The following CAMK2D variants were observed in gnomAD, a reference collection of about 807,000 sequenced individuals.
CAMK2D encodes calcium/calmodulin dependent protein kinase II delta.
Under a neutral mutation model 84.0 loss-of-function variants are expected in CAMK2D, and 37 were observed. The ratio of observed to expected loss-of-function variants is 0.44; its 90% confidence interval spans 0.34 to 0.58. The LOEUF (loss-of-function observed/expected upper bound fraction) is 0.58, where lower values mean the gene tolerates loss of function less well. Ranked by LOEUF, CAMK2D falls within the 20% of genes least tolerant of loss-of-function variation. The pLI is 0.02. For synonymous variants in CAMK2D, 202 were observed against 212.5 expected, an observed-to-expected ratio of 0.95 and a Z score of 0.43; for missense variants, 448 against 652.5, an observed-to-expected ratio of 0.69 and a Z score of 3.41.
intron 3 of CAMK2D, among the ~76,000 whole-genome samples, chr4:113,652,346 A>C (rs1176364356): frequency 1.3e-5 from 2 of 152,218 alleles, no homozygotes. Flanking sequence ...TTTTATCATT[A>C]GTTCTAGTGG....
chr4:113,644,997 GT>G, intron 3 of CAMK2D, among the ~76,000 whole-genome samples: 1 of 152,066 alleles, frequency 6.6e-6, no homozygotes, highest in East Asian at 1.9e-4. Context: ...AGAATTTTTT[GT>G]TGTTGTTGTT....
intron 16 of CAMK2D, among the ~76,000 whole-genome samples, chr4:113,488,955 G>T (rs1284401005): frequency 6.6e-6 from 1 of 152,000 alleles, no homozygotes; most frequent in Non-Finnish European, 1.5e-5. Context: ...AACTTGGCAG[G>T]ACTCAAGCAA....
chr4:113,726,367 G>A (rs150133498), intron 2 of CAMK2D, among the ~76,000 whole-genome samples: 329 of 132,676 alleles, frequency 2.5e-3, no homozygotes, highest in African/African-American at 6.8e-3. Context: ...TGCTTGTTTT[G>A]CTTGGGCTTT....
In CAMK2D at chr4:113,547,740, T is replaced by C. The variant is rs140795566; in HGVS notation, c.342-24A>G. The stretch of plus-strand genomic sequence containing the variant: ...GACTGCATGCAAACACCAGGGGGCG[T>C]GTGTTAGTTCCAAGCTTACACTCAC... On this transcript the variant is annotated intron_variant, in intron 5 of 20. Transcript: ENST00000511664. 5,294 of 1,498,796 alleles carry C rather than the reference T, an allele frequency of 3.5e-3. 18 individuals are homozygous for C. Among genetic ancestry groups the C allele is most frequent in the Non-Finnish European group, 4.5e-3 (4,964 of 1,113,104 alleles). 92.8% of individuals were successfully genotyped at this position (1,498,796 alleles called of 1,614,324 possible).
At chr4:113,677,921 G>A (rs1463394567) in intron 2 of CAMK2D, among the ~76,000 whole-genome samples, 1 of 151,902 alleles carries the variant, frequency 6.6e-6, no homozygotes, top group Non-Finnish European at 1.5e-5. Context: ...GTAGCATCTT[G>A]ATAAAGCTTC....
chr4:113,723,225 C>CTT (rs869114577), intron 2 of CAMK2D, among the ~76,000 whole-genome samples: 18 of 140,436 alleles, frequency 1.3e-4, no homozygotes, highest in African/African-American at 1.3e-4. Context: ...CCAAAAATAA[C>CTT]TTTTTTTTTT....
chr4:113,634,711 A>G (rs2099103225), intron 3 of CAMK2D, among the ~76,000 whole-genome samples: 1 of 152,202 alleles, frequency 6.6e-6, no homozygotes, highest in Non-Finnish European at 1.5e-5. Context: ...TTTCTTGGGC[A>G]TTGATTCTGT....
At chr4:113,509,290 T>G (rs1011831962) in intron 13 of CAMK2D, among the ~76,000 whole-genome samples, 11 of 152,212 alleles carry the variant, frequency 7.2e-5, no homozygotes, top group African/African-American at 2.7e-4. Context: ...CATAATTATT[T>G]GGAAAAGCAT....
intron 4 of CAMK2D, among the ~76,000 whole-genome samples, chr4:113,574,482 A>G (rs2098770676): frequency 6.6e-6 from 1 of 152,234 alleles, no homozygotes; most frequent in Non-Finnish European, 1.5e-5. Context: ...CAAGGTCATC[A>G]GTCACGAAGG....
chr4:113,653,166 G>C lies in CAMK2D; in HGVS notation c.220+8547C>G, dbSNP rs1054764371. On this transcript the variant is annotated intron_variant, in intron 3 of 20. Coordinates refer to ENST00000511664, the MANE Select transcript of CAMK2D (RefSeq NM_001321571.2). ...AAGAATACATAACTGGCACCATATT[G>C]TATAAACAAAGGAAAAAAAGCTAAA... is the stretch of plus-strand genomic sequence containing the variant. Among the ~76,000 whole-genome samples the C allele has an allele frequency of 4.6e-5, 7 of 151,894 alleles. No homozygotes were observed. In the East Asian group the frequency reaches 1.2e-3, roughly 25 times the overall value.
At chr4:113,691,510 T>C (rs1334888753) in intron 2 of CAMK2D, among the ~76,000 whole-genome samples, 2 of 152,164 alleles carry the variant, frequency 1.3e-5, no homozygotes, top group South Asian at 2.1e-4. Context: ...CCCAGCACTT[T>C]GGGAGGCCAA....
At chr4:113,549,478 C>T (rs1038889866) in intron 5 of CAMK2D, among the ~76,000 whole-genome samples, 2 of 152,148 alleles carry the variant, frequency 1.3e-5, no homozygotes, top group Non-Finnish European at 2.9e-5. Context: ...ACTTTTGCTT[C>T]ATACTATATC....
intron 2 of CAMK2D, among the ~76,000 whole-genome samples, chr4:113,693,036 C>G (rs1044640980): frequency 6.6e-6 from 1 of 152,060 alleles, no homozygotes; most frequent in Non-Finnish European, 1.5e-5. Flanking sequence ...TCCCTCTGAC[C>G]TACAGGAGAT....
At chr4:113,474,498 C>CTTTTTT (rs70961831) in intron 16 of CAMK2D, among the ~76,000 whole-genome samples, 2 of 89,822 alleles carry the variant, frequency 2.2e-5, no homozygotes, top group African/African-American at 4.3e-5. Flanking sequence ...CCTTTTTGGC[C>CTTTTTT]TTTTTTTTTT....
intron 2 of CAMK2D, among the ~76,000 whole-genome samples, chr4:113,722,558 G>A (rs937747895): frequency 6.6e-6 from 1 of 152,006 alleles, no homozygotes; most frequent in African/African-American, 2.4e-5. Context: ...TCTTAATACC[G>A]AACCCTAGAA....
At chr4:113,645,173 C>T (rs1010228338) in intron 3 of CAMK2D, among the ~76,000 whole-genome samples, 17 of 152,024 alleles carry the variant, frequency 1.1e-4, no homozygotes, top group East Asian at 5.8e-4. Flanking sequence ...CCCGCCACCA[C>T]GCCCAGCTAA....
At chr4:113,554,975 G>T (rs938256135) in intron 4 of CAMK2D, among the ~76,000 whole-genome samples, 1 of 58,530 alleles carries the variant, frequency 1.7e-5, no homozygotes, top group Non-Finnish European at 3.4e-5. Context: ...GATAACTCTA[G>T]AACATGAAAA....
intron 16 of CAMK2D, among the ~76,000 whole-genome samples, chr4:113,484,798 T>G (rs920257550): frequency 2.6e-5 from 4 of 152,184 alleles, no homozygotes; most frequent in African/African-American, 9.7e-5. Context: ...GTTTCATCTT[T>G]CCTCATTATT....
At chr4:113,682,155 A>T (rs1429881242) in intron 2 of CAMK2D, among the ~76,000 whole-genome samples, 4 of 152,192 alleles carry the variant, frequency 2.6e-5, no homozygotes, top group African/African-American at 9.7e-5. Flanking sequence ...CATATGTTAA[A>T]CTTTGCATCA....
Sources: allele counts gnomAD v4.1 joint callset (sites outside exome capture counted in the v4.1 genomes callset), GRCh38; gene constraint gnomAD v4.1.1; transcripts MANE v1.5; gene names NCBI Gene and HGNC (gene_info 2026-07-23, HGNC 2026-07-21).